The following KIAA0586 variants were observed in gnomAD, a reference collection of about 807,000 sequenced individuals.
KIAA0586 encodes the protein KIAA0586.
KIAA0586 carries 144 observed loss-of-function variants against 169.8 expected under a neutral mutation model. The observed-to-expected ratio is 0.85, with a 90% CI of 0.74 to 0.97. The LOEUF (loss-of-function observed/expected upper bound fraction) is 0.97, where lower values mean the gene tolerates loss of function less well. KIAA0586 is among the 50% of genes least tolerant of loss of function. KIAA0586 has a pLI of 0.00. For missense variants in KIAA0586, 1,854 were observed against 1,823.0 expected (o/e 1.02, Z -0.31); for synonymous variants, 625 against 612.4 (o/e 1.02, Z -0.30).
At chr14:58,436,724 T>G (rs2140465458) in intron 4 of KIAA0586, among the ~76,000 whole-genome samples, 1 of 152,288 alleles carries the variant, frequency 6.6e-6, no homozygotes, top group African/African-American at 2.4e-5. Flanking sequence ...TAAGGATACA[T>G]CCATATAGAA....
At chr14:58,484,924 A>ATAAATATATAT (rs1566877360) in intron 21 of KIAA0586, among the ~76,000 whole-genome samples, 12 of 13,052 alleles carry the variant, frequency 9.2e-4, no homozygotes, top group Non-Finnish European at 1.5e-3. Flanking sequence ...ATATATATAT[A>ATAAATATATAT]TTTTTTTTTT....
chr14:58,514,606 G>A (rs1034126505), intron 29 of KIAA0586, among the ~76,000 whole-genome samples: 9 of 151,982 alleles, frequency 5.9e-5, no homozygotes, highest in African/African-American at 1.9e-4. Flanking sequence ...CATATTGCTA[G>A]GAACTTAGTA....
chr14:58,535,112 C>T (rs1020372971), intron 29 of KIAA0586, among the ~76,000 whole-genome samples: 1 of 151,486 alleles, frequency 6.6e-6, no homozygotes, highest in Non-Finnish European at 1.5e-5. Context: ...TGAAATCATA[C>T]GGTATGTATG....
chr14:58,432,757 G>T (rs112002852), intron 4 of KIAA0586, among the ~76,000 whole-genome samples: 1 of 151,968 alleles, frequency 6.6e-6, no homozygotes, highest in Non-Finnish European at 1.5e-5. Flanking sequence ...GTCTCGCGTC[G>T]CCCAGGCTGG....
chr14:58,530,035 A>G (rs2045859637), intron 29 of KIAA0586, among the ~76,000 whole-genome samples: 1 of 152,210 alleles, frequency 6.6e-6, no homozygotes, highest in Non-Finnish European at 1.5e-5. Context: ...CAATGTGCAA[A>G]AATCACAAGC....
intron 29 of KIAA0586, among the ~76,000 whole-genome samples, chr14:58,525,712 C>A (rs1352808487): frequency 6.6e-6 from 1 of 152,150 alleles, no homozygotes; most frequent in Admixed American, 6.5e-5. Flanking sequence ...CAAGACAGAA[C>A]CATTTGCTCC....
chr14:58,491,300 T>C (rs1325061163), intron 25 of KIAA0586, among the ~76,000 whole-genome samples: 3 of 152,206 alleles, frequency 2.0e-5, no homozygotes, highest in African/African-American at 7.2e-5. Context: ...TTACTATGCC[T>C]AAATCACATA....
Position 58,521,635 on chromosome 14 carries a change from G to C in KIAA0586, c.4429+9008G>C, listed in dbSNP as rs527923795. On this transcript the variant is annotated intron_variant, in intron 29 of 30. Transcript: ENST00000652326. ...AGCGGGGATCTTCCAAGTCTGGAAA[G>C]TTGAAAGGAGATGACCTTCAGGCCA... is the stretch of plus-strand genomic sequence containing the variant. 2.8e-4 allele frequency: 294 copies of C among 1,047,964 alleles called. 1 individual carries two copies. In the African/African-American group the frequency reaches 3.1e-3, roughly 11 times the overall value. The allele number at this position is 1,047,964 out of a possible 1,614,324, so 64.9% of individuals were successfully genotyped here.
intron 29 of KIAA0586, among the ~76,000 whole-genome samples, chr14:58,535,911 A>G (rs1054153975): frequency 2.0e-5 from 3 of 151,996 alleles, no homozygotes; most frequent in Admixed American, 6.6e-5. Flanking sequence ...TTATAGTTTT[A>G]TGCTGTTTTC....
intron 20 of KIAA0586, among the ~76,000 whole-genome samples, chr14:58,479,294 A>G (rs1268149591): frequency 6.6e-6 from 1 of 152,146 alleles, no homozygotes; most frequent in East Asian, 1.9e-4. Flanking sequence ...CAACTTTTTA[A>G]TGTGTTTATT....
intron 4 of KIAA0586, among the ~76,000 whole-genome samples, chr14:58,439,378 G>A (rs1056354824): frequency 6.6e-6 from 1 of 151,996 alleles, no homozygotes; most frequent in Non-Finnish European, 1.5e-5. Context: ...TAGTAGAGAT[G>A]GGGTTTCACC....
At chr14:58,534,807 G>A (rs2046184286) in intron 29 of KIAA0586, among the ~76,000 whole-genome samples, 1 of 152,116 alleles carries the variant, frequency 6.6e-6, no homozygotes. Context: ...AAACTACAAA[G>A]GTATCATCTT....
chr14:58,440,546 G>A (rs558638459), intron 4 of KIAA0586, among the ~76,000 whole-genome samples: 2 of 152,284 alleles, frequency 1.3e-5, no homozygotes, highest in East Asian at 3.9e-4. Context: ...TGGTCAGGCT[G>A]GTCTCAAACT....
At chr14:58,520,135 T>C (rs1250023080) in intron 29 of KIAA0586, among the ~76,000 whole-genome samples, 1 of 152,212 alleles carries the variant, frequency 6.6e-6, no homozygotes, top group Non-Finnish European at 1.5e-5. Flanking sequence ...GGGAATCTTT[T>C]TGAACTTTAG....
intron 28 of KIAA0586, among the ~76,000 whole-genome samples, chr14:58,511,137 G>A (rs1049216422): frequency 3.3e-5 from 5 of 152,104 alleles, no homozygotes; most frequent in South Asian, 4.1e-4. Flanking sequence ...TCTGTTACAT[G>A]TATCTCAATA....
intron 29 of KIAA0586, among the ~76,000 whole-genome samples, chr14:58,525,536 T>C (rs1595487457): frequency 6.6e-6 from 1 of 152,310 alleles, no homozygotes; most frequent in East Asian, 1.9e-4. Flanking sequence ...GCCCAGATAC[T>C]ATGCTTTTCC....
intron 30 of KIAA0586, among the ~76,000 whole-genome samples, chr14:58,543,056 C>T (rs1249599895): frequency 1.3e-5 from 2 of 148,172 alleles, no homozygotes; most frequent in Admixed American, 6.8e-5. Context: ...GGCGTGAACT[C>T]AGGAGATGGA....
At position 58,456,717 on chromosome 14, in the gene KIAA0586, A is replaced by G. The variant is rs190675549; in HGVS notation, c.1269A>G (p.Glu423=). The G allele has an allele frequency of 1.6e-5, 25 of 1,595,544 alleles. No homozygotes were observed. In the African/African-American group the frequency reaches 1.9e-4, roughly 12 times the overall value. ...PEKTNRFPSC[E]ELETTKVTMQ... is the part of the protein sequence containing the mutation. ...CTTCTCAAAGATTTCCTTCCTGTGA[A>G]GAGCTAGAAACAACTAAAGTGACTA... The change falls in exon 10 of 31, where the codon GAA becomes GAG. Residue 423 remains glutamate, a synonymous_variant. Transcript: ENST00000652326.
chr14:58,427,721 T>C lies in KIAA0586; in HGVS notation c.-544T>C. 8 of 1,534,860 alleles carry C rather than the reference T, an allele frequency of 5.2e-6. No individual in the cohort carries two copies. The highest frequency in any genetic ancestry group is 4.8e-5 in the South Asian group (4 of 84,002). On this transcript the variant is annotated 5_prime_UTR_variant, in exon 1 of 31. Coordinates refer to ENST00000652326, the MANE Select transcript of KIAA0586 (RefSeq NM_001329943.3). ...GTGTTGACCTGCGGGCAACTGACGC[T>C]GTTGTCAGATTACACCCACGACGGT...
Sources: allele counts gnomAD v4.1 joint callset (sites outside exome capture counted in the v4.1 genomes callset), GRCh38; gene constraint gnomAD v4.1.1; transcripts MANE v1.5; gene names NCBI Gene and HGNC (gene_info 2026-07-23, HGNC 2026-07-21).